The following GALNT13 variants were observed in gnomAD, a reference collection of about 807,000 sequenced individuals.
GALNT13 encodes polypeptide N-acetylgalactosaminyltransferase 13.
A neutral mutation model predicts 64.2 loss-of-function variants in GALNT13; 28 were observed. The observed-to-expected ratio is 0.44, with a 90% CI of 0.32 to 0.60. The LOEUF (loss-of-function observed/expected upper bound fraction) is 0.60. Among genes scored for constraint, GALNT13 ranks in the 20% least tolerant of loss-of-function variants. The probability of loss-of-function intolerance (pLI) is 0.05; values close to 1 mark genes in which losing one functional copy is unlikely to be tolerated. For synonymous variants in GALNT13, 214 were observed against 224.6 expected (o/e 0.95, Z 0.42); for missense variants, 577 against 669.8 (o/e 0.86, Z 1.53).
chr2:153,902,904 A>G (rs1361714299), intron 2 of GALNT13, among the ~76,000 whole-genome samples: 1 of 152,090 alleles, frequency 6.6e-6, no homozygotes, highest in Non-Finnish European at 1.5e-5. Flanking sequence ...CTCCAGAGTC[A>G]TTGCAGTTTA....
chr2:154,016,696 A>G (rs916723767), intron 3 of GALNT13, among the ~76,000 whole-genome samples: 4 of 152,228 alleles, frequency 2.6e-5, no homozygotes, highest in African/African-American at 9.6e-5. Context: ...GATTACAGGC[A>G]TGAGCCACTG....
chr2:154,185,444 C>G (rs1686196610), intron 4 of GALNT13, among the ~76,000 whole-genome samples: 2 of 151,918 alleles, frequency 1.3e-5, no homozygotes, highest in Admixed American at 1.3e-4. Context: ...CTTTCTACAC[C>G]TTTCTCTTTC....
the GALNT13 span, among the ~76,000 whole-genome samples, chr2:153,315,117 T>C: frequency 6.6e-6 from 1 of 152,190 alleles, no homozygotes; most frequent in East Asian, 1.9e-4. Context: ...AGGGTTATTA[T>C]AAGAGAAAGG....
intron 8 of GALNT13, among the ~76,000 whole-genome samples, chr2:154,280,330 A>G (rs899816042): frequency 3.3e-5 from 5 of 152,108 alleles, no homozygotes; most frequent in African/African-American, 1.2e-4. Context: ...TTCTTTTTCT[A>G]TGCCCCAGAG....
chr2:153,138,338 C>T, the GALNT13 span, among the ~76,000 whole-genome samples: 136,276 of 152,014 alleles, frequency 0.9, 62,221 homozygotes, highest in Non-Finnish European at 0.98. Context: ...TTTATACCTC[C>T]GAGTTTGCAG....
intron 2 of GALNT13, among the ~76,000 whole-genome samples, chr2:153,935,118 CAT>C (rs2105364938): frequency 1.3e-5 from 2 of 152,264 alleles, no homozygotes; most frequent in African/African-American, 4.8e-5. Context: ...TGACTTTACT[CAT>C]GTTTCCCTGT....
chr2:153,722,974 T>C, the GALNT13 span, among the ~76,000 whole-genome samples: 19,940 of 151,728 alleles, frequency 0.13, 2,071 homozygotes, highest in African/African-American at 0.28. Context: ...ATCATTCTGA[T>C]ACCAAAGCCG....
chr2:153,891,232 G>A (rs1038936844), intron 1 of GALNT13, among the ~76,000 whole-genome samples: 6 of 152,020 alleles, frequency 3.9e-5, no homozygotes, highest in Admixed American at 6.6e-5. Flanking sequence ...GCCTTCCAGA[G>A]CAGTAGAGGC....
chr2:153,899,478 A>G (rs535328214), intron 1 of GALNT13, among the ~76,000 whole-genome samples: 133 of 152,232 alleles, frequency 8.7e-4, no homozygotes, highest in Non-Finnish European at 1.7e-3. Flanking sequence ...TTTCTTGGGC[A>G]TTTCTTGATT....
chr2:153,717,947 A>G, the GALNT13 span, among the ~76,000 whole-genome samples: 1 of 152,026 alleles, frequency 6.6e-6, no homozygotes, highest in African/African-American at 2.4e-5. Flanking sequence ...ATAAATAAAA[A>G]TATCTAAAAA....
the GALNT13 span, among the ~76,000 whole-genome samples, chr2:153,163,494 A>G: frequency 6.6e-6 from 1 of 152,164 alleles, no homozygotes; most frequent in Non-Finnish European, 1.5e-5. Flanking sequence ...GCTTTTTAAC[A>G]TCTGCACTGG....
At chr2:153,389,537 C>T in the GALNT13 span, among the ~76,000 whole-genome samples, 1 of 152,068 alleles carries the variant, frequency 6.6e-6, no homozygotes, top group South Asian at 2.1e-4. Context: ...CCATTACACA[C>T]ACTGATACTG....
At chr2:153,674,423 A>C in the GALNT13 span, among the ~76,000 whole-genome samples, 1 of 152,200 alleles carries the variant, frequency 6.6e-6, no homozygotes, top group Non-Finnish European at 1.5e-5. Context: ...CTGATCTTTG[A>C]CAAACCTGAC....
At chr2:153,860,328 A>G in the GALNT13 span, among the ~76,000 whole-genome samples, 4 of 152,216 alleles carry the variant, frequency 2.6e-5, no homozygotes, top group Non-Finnish European at 4.4e-5. Context: ...TCTTTCATAT[A>G]TTAGCCACTT....
At chr2:154,247,490 A>G (rs1689842446) in intron 7 of GALNT13, among the ~76,000 whole-genome samples, 1 of 152,074 alleles carries the variant, frequency 6.6e-6, no homozygotes, top group Non-Finnish European at 1.5e-5. Flanking sequence ...AGGCATGTTT[A>G]TACTCATTTA....
At chr2:154,414,644 C>A (rs1367779427) in intron 11 of GALNT13, among the ~76,000 whole-genome samples, 1 of 151,744 alleles carries the variant, frequency 6.6e-6, no homozygotes, top group Non-Finnish European at 1.5e-5. Flanking sequence ...ATTGTTATTG[C>A]AAATTTTCTA....
the GALNT13 span, among the ~76,000 whole-genome samples, chr2:153,228,584 G>A: frequency 6.6e-6 from 1 of 152,070 alleles, no homozygotes; most frequent in Non-Finnish European, 1.5e-5. Context: ...GAGATGTTAA[G>A]AATGTAGATA....
At chr2:153,617,316 A>G in the GALNT13 span, among the ~76,000 whole-genome samples, 1 of 152,182 alleles carries the variant, frequency 6.6e-6, no homozygotes, top group South Asian at 2.1e-4. Flanking sequence ...ATCTGTTGAA[A>G]TGATCATATG....
chr2:154,025,829 G>T (rs1354574595), intron 3 of GALNT13, among the ~76,000 whole-genome samples: 3 of 152,120 alleles, frequency 2.0e-5, no homozygotes, highest in Non-Finnish European at 2.9e-5. Flanking sequence ...GGGAAAGGGG[G>T]TAAGCAACTA....
Sources: gnomAD v4.1 joint callset for allele counts (sites outside exome capture counted in the v4.1 genomes callset) on GRCh38, gnomAD v4.1.1 for gene constraint, MANE v1.5 for transcripts, NCBI Gene and HGNC (gene_info 2026-07-23, HGNC 2026-07-21) for gene names.